ATP7A: variants seen among roughly 807,000 people sequenced by gnomAD.
ATP7A encodes copper-transporting ATPase 1.
In ATP7A, 7 loss-of-function variants were observed where a neutral mutation model predicts 83.5. The ratio of observed to expected loss-of-function variants is 0.08; its 90% CI spans 0.05 to 0.16. The LOEUF is 0.16. ATP7A is among the 10% of genes least tolerant of loss of function. The pLI is 1.00. For synonymous variants in ATP7A, 354 were observed against 395.2 expected, an observed-to-expected ratio of 0.90 and a Z score of 1.24; for missense variants, 940 against 1,120.8, an observed-to-expected ratio of 0.84 and a Z score of 2.30.
chrX:77,942,122 C>T (rs782039951), intron 1 of ATP7A, among the ~76,000 whole-genome samples: 14 of 112,187 alleles, frequency 1.2e-4, no homozygotes, highest in Admixed American at 1.9e-4. Context: ...AGACCTCTAA[C>T]GTTATTTTGC....
intron 4 of ATP7A, among the ~76,000 whole-genome samples, 173 bp downstream of exon 4, chrX:77,990,131 A>G: frequency 8.9e-6 from 1 of 112,247 alleles, no homozygotes; most frequent in Non-Finnish European, 1.9e-5. Flanking sequence ...ATGTTTGTAT[A>G]ATTGCTTATG....
At chrX:77,924,679 C>T (rs2077232113) in intron 1 of ATP7A, 1 of 111,420 alleles carries the variant, frequency 9.0e-6, no homozygotes. Context: ...AGAGTTTCAC[C>T]TTTATTGGCC....
At chrX:77,948,726 T>C (rs914524640) in intron 1 of ATP7A, among the ~76,000 whole-genome samples, 1 of 111,290 alleles carries the variant, frequency 9.0e-6, no homozygotes, top group African/African-American at 3.3e-5. Flanking sequence ...TTCTGTGATA[T>C]GGTCCAGACT....
At chrX:77,959,833 G>T (rs1557227870) in intron 1 of ATP7A, among the ~76,000 whole-genome samples, 1 of 111,849 alleles carries the variant, frequency 8.9e-6, no homozygotes, top group African/African-American at 3.3e-5. Context: ...CTCTGTCTAA[G>T]GTACTATGCT....
intron 1 of ATP7A, among the ~76,000 whole-genome samples, chrX:77,937,633 G>A (rs1557225144): frequency 9.0e-6 from 1 of 111,615 alleles, no homozygotes; most frequent in Non-Finnish European, 1.9e-5. Context: ...CTTGATTCGT[G>A]CAATAACAGA....
intron 1 of ATP7A, among the ~76,000 whole-genome samples, chrX:77,934,775 G>A (rs1351993150): frequency 6.3e-5 from 7 of 110,790 alleles, no homozygotes; most frequent in Admixed American, 1.9e-4. Context: ...ACAAGGGATT[G>A]TGATACAGAG....
intron 15 of ATP7A, 31 bp downstream of exon 15, chrX:78,029,475 C>G (rs1158915439): frequency 8.6e-7 from 1 of 1,156,302 alleles, no homozygotes; most frequent in Non-Finnish European, 1.2e-6. Flanking sequence ...AAAACCTGTA[C>G]CACCAAACTA....
At chrX:78,039,718 T>C (rs1471143288) in intron 18 of ATP7A, among the ~76,000 whole-genome samples, 1 of 112,444 alleles carries the variant, frequency 8.9e-6, no homozygotes, top group Non-Finnish European at 1.9e-5. Context: ...TATTAGTACA[T>C]ATACCATTTT....
chrX:78,010,207 G>GTCATAT (rs2077808516), intron 7 of ATP7A, among the ~76,000 whole-genome samples: 1 of 112,186 alleles, frequency 8.9e-6, no homozygotes, highest in Non-Finnish European at 1.9e-5. Context: ...CAGCAATGTG[G>GTCATAT]TCATATTCAT....
At chrX:77,998,421 A>G in intron 4 of ATP7A, 57 bp from the exon 5 acceptor site, 10 of 1,109,750 alleles carry the variant, frequency 9.0e-6, no homozygotes, top group Non-Finnish European at 1.2e-5. Context: ...ATGCAAGGCA[A>G]GGATGCAATT....
intron 4 of ATP7A, among the ~76,000 whole-genome samples, chrX:77,997,737 A>G (rs1440860568): frequency 9.1e-6 from 1 of 110,390 alleles, no homozygotes; most frequent in Non-Finnish European, 1.9e-5. Flanking sequence ...AGCTTCTGGG[A>G]TGATATGAGC....
intron 19 of ATP7A, among the ~76,000 whole-genome samples, chrX:78,041,164 C>T (rs1273726975): frequency 2.7e-5 from 3 of 111,828 alleles, no homozygotes; most frequent in Admixed American, 1.9e-4. Flanking sequence ...TTTTTCTGCT[C>T]CTGACTCCCA....
intron 2 of ATP7A, among the ~76,000 whole-genome samples, chrX:77,976,614 G>A (rs1317880812): frequency 8.9e-6 from 1 of 111,758 alleles, no homozygotes; most frequent in African/African-American, 3.3e-5. Context: ...GAAACTGTAG[G>A]TGATTTTTTC....
At chrX:77,956,755 CTT>C (rs1163744786) in intron 1 of ATP7A, among the ~76,000 whole-genome samples, 3 of 98,904 alleles carry the variant, frequency 3.0e-5, no homozygotes, top group African/African-American at 1.1e-4. Flanking sequence ...TTCTTTCTTT[CTT>C]TCTTTCTTTC....
At chrX:77,956,748 T>TTTCTTTCTTTCTTTCC in intron 1 of ATP7A, among the ~76,000 whole-genome samples, 3 of 98,268 alleles carry the variant, frequency 3.1e-5, no homozygotes. Context: ...TCTTTCTTTC[T>TTTCTTTCTTTCTTTCC]TTCTTTCTTT....
chrX:77,920,681 T>C (rs1291230059), intron 1 of ATP7A, among the ~76,000 whole-genome samples: 1 of 111,527 alleles, frequency 9.0e-6, no homozygotes, highest in African/African-American at 3.3e-5. Flanking sequence ...CCATGGTGTA[T>C]ATGTACCACA....
intron 1 of ATP7A, among the ~76,000 whole-genome samples, chrX:77,944,598 A>T (rs1557225974): frequency 3.7e-5 from 4 of 108,896 alleles, no homozygotes; most frequent in Admixed American, 3.0e-4. Flanking sequence ...CGCTCAGATA[A>T]TTTTTTTTAA....
At chrX:77,912,229 C>T (rs1177341295) in intron 1 of ATP7A, among the ~76,000 whole-genome samples, 4 of 111,388 alleles carry the variant, frequency 3.6e-5, no homozygotes, top group Non-Finnish European at 7.5e-5. Context: ...ATCTCACTAA[C>T]GTTATATATT....
At position 77,948,059 on chromosome X, in the gene ATP7A, ATATTTATTTATT is replaced by A. The variant is rs200263608; in HGVS notation, c.-21-23529_-21-23518del. The stretch of plus-strand genomic sequence containing the variant: ...CTGGCCATTTTACCACAATTTAAAA[ATATTTATTTATT>A]TATTTATTTATTTATTTATTTATTT... On this transcript the variant is annotated intron_variant, in intron 1 of 22. Transcript: ENST00000341514. Among the ~76,000 whole-genome samples the A allele has an allele frequency of 8.7e-4, 82 of 94,063 alleles. 1 individual carries two copies. The South Asian group carries it at 0.01, about 12-fold the overall frequency. The allele number at this position is 94,063 out of a possible 115,157, so 81.7% of individuals were successfully genotyped here.
Sources: gnomAD v4.1 joint callset for allele counts (sites outside exome capture counted in the v4.1 genomes callset) on GRCh38, gnomAD v4.1.1 for gene constraint, MANE v1.5 for transcripts, NCBI Gene and HGNC (gene_info 2026-07-23, HGNC 2026-07-21) for gene names.